Variants in CCNT1 observed in about 807,000 individuals in gnomAD.
CCNT1 encodes cyclin T1, also known as cyclin-T1.
In CCNT1, 18 loss-of-function variants were observed where a neutral mutation model predicts 67.3. That is an observed-to-expected ratio of 0.27 (90% CI 0.18 to 0.40). The LOEUF (loss-of-function observed/expected upper bound fraction) is 0.40, where lower values mean the gene tolerates loss of function less well. CCNT1 is among the 10% of genes least tolerant of loss of function. CCNT1 has a pLI of 1.00. For missense variants in CCNT1, 744 were observed against 884.9 expected, an observed-to-expected ratio of 0.84 and a Z score of 2.02; for synonymous variants, 333 against 310.3, an observed-to-expected ratio of 1.07 and a Z score of -0.77.
Position 48,688,731 on chromosome 12 carries a change from C to CT in CCNT1, c.*4301dup, listed in dbSNP as rs1940025622. The CT allele has an allele frequency of 1.3e-5, 2 of 152,054 alleles. No homozygotes were observed. Among genetic ancestry groups the CT allele is most frequent in the Admixed American group, 1.3e-4 (2 of 15,252 alleles). 9.4% of individuals were successfully genotyped at this position (152,054 alleles called of 1,614,324 possible). A position where few individuals can be genotyped will look rare whatever the true frequency, so the allele number is the denominator to read the frequency against. The stretch of plus-strand genomic sequence containing the variant: ...CAGAATAATATGCTGAGAAAGGACT[C>CT]TTAAGAGCAATACAAAGAGAACAGA... On this transcript the variant is annotated 3_prime_UTR_variant, in exon 9 of 9. Transcript: ENST00000261900.
At position 48,694,172 on chromosome 12, in the gene CCNT1, C is replaced by A. The variant is rs1940132678; in HGVS notation, c.1042G>T (p.Gly348Cys). ...GCTAAATTCTCACTAGTCCGATGACCCTGAGTAGGTTCTAGTTTGAAAGAA... is the reference window on the plus strand; with the variant it reads ...GCTAAATTCTCACTAGTCCGATGACACTGAGTAGGTTCTAGTTTGAAAGAA... ...QPSFKLEPTQ[G>C]HRTSENLALT... Residue 348 changes from glycine to cysteine, a missense_variant, in exon 9 of 9, where the codon GGT becomes TGT. Gly to Cys is a radical substitution (Grantham distance 159). This residue lies in a region of CCNT1 where 564 missense variants were observed against 574.2 expected (regional missense o/e 0.98). Transcript: ENST00000261900. 1 of 1,614,120 alleles carries A rather than the reference C, an allele frequency of 6.2e-7. No individual in the cohort carries two copies.
intron 1 of CCNT1, 61 bp from the exon 2 acceptor site, chr12:48,714,585 T>C: frequency 1.0e-6 from 1 of 983,464 alleles, no homozygotes; most frequent in Non-Finnish European, 1.6e-6. Flanking sequence ...AGATAACCTC[T>C]ATCTCCCTCC....
intron 3 of CCNT1, among the ~76,000 whole-genome samples, chr12:48,703,229 A>C (rs1436341560): frequency 6.6e-6 from 1 of 151,960 alleles, no homozygotes. Flanking sequence ...CCTGGCTACA[A>C]TCTTGCCACT....
chr12:48,716,470 T>C, intron 1 of CCNT1, 45 bp downstream of exon 1: 2 of 1,546,114 alleles, frequency 1.3e-6, no homozygotes, highest in South Asian at 1.2e-5. Context: ...CGCCAGAGCA[T>C]GGCGGGACCA....
intron 6 of CCNT1, among the ~76,000 whole-genome samples, chr12:48,697,536 T>A (rs11168688): frequency 0.15 from 15,163 of 102,864 alleles, 831 homozygotes; most frequent in African/African-American, 0.19. Context: ...AAAAAAAAAA[T>A]ATATATATAT....
chr12:48,700,048 G>A (rs569519495), intron 4 of CCNT1, among the ~76,000 whole-genome samples: 17 of 152,164 alleles, frequency 1.1e-4, no homozygotes, highest in Middle Eastern at 3.4e-3. Flanking sequence ...GGCTGGGCGC[G>A]GTGGATCAAG....
At chr12:48,697,534 A>AAAATAAAAAAAAAAAAT (rs1288926072) in intron 6 of CCNT1, among the ~76,000 whole-genome samples, 1 of 130,710 alleles carries the variant, frequency 7.7e-6, no homozygotes, top group African/African-American at 3.0e-5. Context: ...AAAAAAAAAA[A>AAAATAAAAAAAAAAAAT]ATATATATAT....
At chr12:48,715,693 C>T (rs780642586) in intron 1 of CCNT1, among the ~76,000 whole-genome samples, 4 of 152,062 alleles carry the variant, frequency 2.6e-5, no homozygotes, top group Non-Finnish European at 4.4e-5. Flanking sequence ...GAACTCCTGA[C>T]CTCAGGTGAT....
chr12:48,706,796 T>C (rs1012094346), intron 2 of CCNT1, among the ~76,000 whole-genome samples: 2 of 152,232 alleles, frequency 1.3e-5, no homozygotes, highest in Non-Finnish European at 2.9e-5. Context: ...CTAATACTTA[T>C]TTGTAACCCT....
At chr12:48,697,949 C>CA (rs546916650) in intron 6 of CCNT1, 189 bp downstream of exon 6, 122 of 387,298 alleles carry the variant, frequency 3.2e-4, no homozygotes, top group African/African-American at 2.5e-3. Context: ...AGTAGGTTAT[C>CA]AAAAAAATCA....
Position 48,696,179 on chromosome 12 carries a change from G to T in CCNT1, c.543-17C>A. ...AAATGCAGGCTGACATCAGAGGGAAGAAAACAGAGAGTGTCATGAGCTCTC... is the reference window on the plus strand; with the variant it reads ...AAATGCAGGCTGACATCAGAGGGAATAAAACAGAGAGTGTCATGAGCTCTC... On this transcript the variant is annotated splice_polypyrimidine_tract_variant and intron_variant, in intron 6 of 8. Coordinates refer to ENST00000261900, the MANE Select transcript of CCNT1 (RefSeq NM_001240.4). 7.5e-7 allele frequency: 1 copy of T among 1,326,710 alleles called. No homozygotes were observed. 82.2% of individuals were successfully genotyped at this position (1,326,710 alleles called of 1,614,324 possible). A position where few individuals can be genotyped will look rare whatever the true frequency, so the allele number is the denominator to read the frequency against.
At chr12:48,698,647 C>T (rs1464145471) in intron 5 of CCNT1, among the ~76,000 whole-genome samples, 1 of 152,122 alleles carries the variant, frequency 6.6e-6, no homozygotes, top group Non-Finnish European at 1.5e-5. Context: ...GGAAAAGTGA[C>T]TTTTGCTGTT....
intron 3 of CCNT1, among the ~76,000 whole-genome samples, chr12:48,701,500 T>C (rs78865793): frequency 6.6e-6 from 1 of 152,228 alleles, no homozygotes; most frequent in East Asian, 1.9e-4. Context: ...TATATATGGC[T>C]ACAGAAAAAG....
At chr12:48,712,595 T>TAAAA (rs759919820) in intron 2 of CCNT1, among the ~76,000 whole-genome samples, 24 of 33,376 alleles carry the variant, frequency 7.2e-4, no homozygotes, top group Non-Finnish European at 7.6e-4. Context: ...AAAAAAAAAA[T>TAAAA]AAAAAAAAAA....
At chr12:48,699,341 A>T (rs1940228982) in intron 5 of CCNT1, among the ~76,000 whole-genome samples, 1 of 152,224 alleles carries the variant, frequency 6.6e-6, no homozygotes, top group African/African-American at 2.4e-5. Context: ...AAACTAAATA[A>T]GAGAGTTTCA....
At position 48,693,511 on chromosome 12, in the gene CCNT1, G is replaced by A. The variant is rs1317788585; in HGVS notation, c.1703C>T (p.Ser568Phe). The A allele has an allele frequency of 1.2e-6, 2 of 1,614,198 alleles. No individual in the cohort carries two copies. The highest frequency in any genetic ancestry group is 1.1e-5 in the South Asian group (1 of 91,082). The change falls in exon 9 of 9, where the codon TCC becomes TTC. Residue 568 changes from serine (S) to phenylalanine (F), a missense_variant. Ser to Phe is a radical substitution (Grantham distance 155). Coordinates refer to ENST00000261900, the MANE Select transcript of CCNT1 (RefSeq NM_001240.4). ...GGGTCCCCTTTTACGAGTAGAACTG[G>A]AAGAGGAAAAAGAACTAGACAAGCT... The part of the protein sequence containing the change: ...TYSLSSSFSS[S>F]SSTRKRGPSE...
In CCNT1 at chr12:48,699,842, T is replaced by G; in HGVS notation, c.434-2A>C. 1 of 1,589,644 alleles carries G rather than the reference T, an allele frequency of 6.3e-7. No homozygotes were observed. Among genetic ancestry groups the G allele is most frequent in the Non-Finnish European group, 8.6e-7 (1 of 1,162,770 alleles). On this transcript the variant is annotated splice_acceptor_variant, in intron 4 of 8. Coordinates refer to ENST00000261900, the MANE Select transcript of CCNT1 (RefSeq NM_001240.4). LOFTEE classifies it high-confidence loss of function. ...GGTGATCAATTGTTAGTTCAAAGCC[T>G]TAAAAGAAAAAGTAATGGATTAAAA...
intron 2 of CCNT1, among the ~76,000 whole-genome samples, chr12:48,711,163 T>C (rs1449451737): frequency 6.6e-6 from 1 of 151,820 alleles, no homozygotes; most frequent in Non-Finnish European, 1.5e-5. Context: ...GGGCAGATCA[T>C]AAGGTCAACA....
chr12:48,697,855 A>AAAAAT (rs1555157891), intron 6 of CCNT1: 2 of 71,982 alleles, frequency 2.8e-5, no homozygotes, highest in African/African-American at 9.6e-5. Flanking sequence ...AAAAAAAAAA[A>AAAAAT]ATATATATAT....
Sources: gnomAD v4.1 joint callset for allele counts (sites outside exome capture counted in the v4.1 genomes callset) on GRCh38, gnomAD v4.1.1 for gene constraint, gnomAD v4.1.1 regional missense constraint, MANE v1.5 for transcripts, NCBI Gene and HGNC (gene_info 2026-07-23, HGNC 2026-07-21) for gene names.